Variants in ABCB9 observed in about 807,000 individuals in gnomAD.
ABCB9 encodes ABC-type oligopeptide transporter ABCB9.
ABCB9 carries 36 observed loss-of-function variants against 62.0 expected under a neutral mutation model. The ratio of observed to expected loss-of-function variants is 0.58; its 90% CI spans 0.45 to 0.77. The LOEUF (loss-of-function observed/expected upper bound fraction) is 0.77. Ranked by LOEUF, ABCB9 falls within the 30% of genes least tolerant of loss-of-function variation. The pLI is 0.00. For missense variants in ABCB9, 943 were observed against 1,054.7 expected (o/e 0.89, Z 1.47); for synonymous variants, 435 against 461.4 (o/e 0.94, Z 0.73).
intron 2 of ABCB9, chr12:122,951,008 A>AT (rs1178686841): frequency 0.55 from 67,952 of 123,756 alleles, 22,474 homozygotes; most frequent in Non-Finnish European, 0.7. Flanking sequence ...TGCCAGGCTA[A>AT]TTTTTTTTTT....
In ABCB9 at chr12:122,932,256, C is replaced by T. The variant is rs1433262060; in HGVS notation, c.1976G>A (p.Arg659Gln). 2.1e-5 allele frequency: 33 copies of T among 1,551,674 alleles called. No individual in the cohort carries two copies. The highest frequency in any genetic ancestry group is 4.9e-5 in the East Asian group (2 of 40,952). ...QRVAMARALV[R>Q]NPPVLILDEA... ...ATCCAGGATGAGGACTGGGGGGTTC[C>T]GCACCAGAGCCCGGGCCATGGCCAC... Residue 659 changes from arginine to glutamine, a missense_variant, in exon 11 of 12, where the codon CGG becomes CAG. Physicochemically the swap from Arg to Gln is conservative, Grantham distance 43. Transcript: ENST00000280560. The surrounding 1 kb of genome is among the most constrained non-coding windows in gnomAD (Gnocchi z 4.7).
chr12:122,958,510 AG>A (rs2036727314), intron 2 of ABCB9, among the ~76,000 whole-genome samples: 1 of 152,156 alleles, frequency 6.6e-6, no homozygotes, highest in Non-Finnish European at 1.5e-5. Context: ...CTTTTCCTGC[AG>A]TTAGCCCTGG....
At position 122,940,058 on chromosome 12, in the gene ABCB9, G is replaced by C. The variant is rs2135801559; in HGVS notation, c.1743+53C>G. The C allele has an allele frequency of 6.4e-7, 1 of 1,560,086 alleles. No homozygotes were observed. Among genetic ancestry groups the C allele is most frequent in the Non-Finnish European group, 8.7e-7 (1 of 1,149,892 alleles). On this transcript the variant is annotated intron_variant, in intron 9 of 11. Transcript: ENST00000280560. The surrounding 1 kb of genome is among the most constrained non-coding windows in gnomAD (Gnocchi z 4.8). ...CGCACCTGTTACAGCTCACAAGAAA[G>C]ACGGTTAGATGCAGAAAGGGCGGAG... is the stretch of plus-strand genomic sequence containing the variant.
chr12:122,951,252 T>C (rs1022461888), intron 2 of ABCB9, among the ~76,000 whole-genome samples: 14 of 150,932 alleles, frequency 9.3e-5, no homozygotes, highest in Non-Finnish European at 1.5e-4. Flanking sequence ...TTTTTTTTTT[T>C]TTTTTAACTT....
chr12:122,922,698 A>G (rs1593950001), intron 11 of ABCB9, among the ~76,000 whole-genome samples: 1 of 152,114 alleles, frequency 6.6e-6, no homozygotes, highest in East Asian at 1.9e-4. Context: ...TTTATTCTTA[A>G]AGAAGTAAGG....
chr12:122,935,979 G>A (rs1303129921), intron 9 of ABCB9, among the ~76,000 whole-genome samples: 1 of 152,182 alleles, frequency 6.6e-6, no homozygotes, highest in Non-Finnish European at 1.5e-5. Context: ...GCAGAGGCAG[G>A]AGAATGGCTT....
Position 122,944,288 on chromosome 12 carries a change from C to G in ABCB9, c.1380+103G>C. On this transcript the variant is annotated intron_variant, in intron 7 of 11. Transcript: ENST00000280560. This position sits in a 1 kb window ranked among gnomAD's most constrained non-coding sequence, Gnocchi z 4.9. Reference sequence around the variant, plus strand: ...CCCCTACTTACCTTAGAGAGAAATACCACATTGTCAGAGTCCCTGGAGCCC... The same window carrying G: ...CCCCTACTTACCTTAGAGAGAAATAGCACATTGTCAGAGTCCCTGGAGCCC... The G allele has an allele frequency of 2.7e-6, 4 of 1,483,602 alleles. No individual in the cohort carries two copies. Among genetic ancestry groups the G allele is most frequent in the Non-Finnish European group, 3.6e-6 (4 of 1,102,660 alleles). The allele number at this position is 1,483,602 out of a possible 1,614,324, so 91.9% of individuals were successfully genotyped here. A position where few individuals can be genotyped will look rare whatever the true frequency, so the allele number is the denominator to read the frequency against.
chr12:122,927,691 C>T (rs1176392839), downstream of ABCB9, among the ~76,000 whole-genome samples: 4 of 152,216 alleles, frequency 2.6e-5, no homozygotes, highest in East Asian at 1.9e-4. Flanking sequence ...TAGACTGGAA[C>T]GGGGCTGGGC....
intron 6 of ABCB9, 98 bp downstream of exon 6, chr12:122,945,927 G>T: frequency 4.1e-5 from 39 of 948,864 alleles, no homozygotes; most frequent in Non-Finnish European, 5.9e-5. Context: ...CCACCAGCTT[G>T]ACACCAACAT....
rs1049611623 is a variant in ABCB9, at chr12:122,922,046, C to T, written c.2041-1003G>A. 5.3e-5 allele frequency among the ~76,000 whole-genome samples: 8 copies of T among 152,082 alleles called. No homozygotes were observed. In the East Asian group the frequency reaches 5.8e-4, roughly 11 times the overall value. On this transcript the variant is annotated intron_variant, in intron 11 of 11. Coordinates refer to the ABCB9 transcript ENST00000344275. ...GAGGAGGTGGAGACGCCCGGCCGGC[C>T]GCTCAGGTCTGGGCCAGGTTCTCAG...
At chr12:122,927,692 G>A (rs902909313), downstream of ABCB9, among the ~76,000 whole-genome samples, 3 of 152,168 alleles carry the variant, frequency 2.0e-5, no homozygotes, top group Admixed American at 1.3e-4. Context: ...AGACTGGAAC[G>A]GGGCTGGGCT....
chr12:122,941,604 T>C (rs1454224637), intron 7 of ABCB9, among the ~76,000 whole-genome samples: 1 of 151,534 alleles, frequency 6.6e-6, no homozygotes, highest in Non-Finnish European at 1.5e-5. Context: ...TCACCAGACA[T>C]GGCTTGATTT....
At chr12:122,957,222 CTT>C (rs970884959) in intron 2 of ABCB9, among the ~76,000 whole-genome samples, 5 of 151,916 alleles carry the variant, frequency 3.3e-5, no homozygotes, top group African/African-American at 4.8e-5. Context: ...AAAAACATTT[CTT>C]TTAGAGACAG....
chr12:122,960,760 C>CA (rs36119389), intron 1 of ABCB9, among the ~76,000 whole-genome samples: 6,703 of 92,350 alleles, frequency 0.073, 233 homozygotes, highest in East Asian at 0.25. Context: ...GACTCCATCT[C>CA]AAAAAAAAAA....
Position 122,929,668 on chromosome 12 carries a change from C to G in ABCB9, c.*243G>C, listed in dbSNP as rs1555269894. On this transcript the variant is annotated 3_prime_UTR_variant, in exon 12 of 12. Coordinates refer to ENST00000280560, the MANE Select transcript of ABCB9 (RefSeq NM_019625.4). The surrounding 1 kb of genome is among the most constrained non-coding windows in gnomAD (Gnocchi z 6.0). ...CCTAGGTTTAAAAAGGCAGCTCTAC[C>G]TTTGCTTAGGAGGCTAGGGAGGTCC... 2 of 1,245,556 alleles carry G rather than the reference C, an allele frequency of 1.6e-6. No individual in the cohort carries two copies. Among genetic ancestry groups the G allele is most frequent in the East Asian group, 6.1e-5 (2 of 32,576 alleles). 77.2% of individuals were successfully genotyped at this position (1,245,556 alleles called of 1,614,324 possible). A position where few individuals can be genotyped will look rare whatever the true frequency, so the allele number is the denominator to read the frequency against.
intron 2 of ABCB9, among the ~76,000 whole-genome samples, chr12:122,957,346 C>G (rs879694857): frequency 6.6e-6 from 1 of 152,180 alleles, no homozygotes; most frequent in Non-Finnish European, 1.5e-5. Flanking sequence ...CCAGCTCTCC[C>G]GTTCTTTTCA....
intron 1 of ABCB9, among the ~76,000 whole-genome samples, chr12:122,973,612 A>AAAAAAAAAG: frequency 6.9e-6 from 1 of 143,938 alleles, no homozygotes; most frequent in Non-Finnish European, 1.5e-5. Flanking sequence ...AAAAAAAACA[A>AAAAAAAAAG]AAACTTTGGG....
chr12:122,966,970 AC>A (rs1414722458), upstream of ABCB9, among the ~76,000 whole-genome samples: 1 of 152,238 alleles, frequency 6.6e-6, no homozygotes, highest in Non-Finnish European at 1.5e-5. Context: ...TAAACAATTA[AC>A]AAAACAAGAT....
chr12:122,928,686 G>A (rs1393925436), downstream of ABCB9, among the ~76,000 whole-genome samples: 1 of 152,074 alleles, frequency 6.6e-6, no homozygotes, highest in Non-Finnish European at 1.5e-5. Context: ...GGCCCCGATG[G>A]AAAAGAACAG....
Sources: allele counts gnomAD v4.1 joint callset (sites outside exome capture counted in the v4.1 genomes callset), GRCh38; gene constraint gnomAD v4.1.1; non-coding constraint Gnocchi (gnomAD v3.1); transcripts MANE v1.5; gene names NCBI Gene and HGNC (gene_info 2026-07-23, HGNC 2026-07-21).